Variants in ARID4B observed in about 807,000 individuals in gnomAD.
ARID4B encodes AT-rich interaction domain 4B, also known as AT-rich interactive domain-containing protein 4B.
A neutral mutation model predicts 147.5 loss-of-function variants in ARID4B; 26 were observed. The ratio of observed to expected loss-of-function variants is 0.18; its 90% CI spans 0.13 to 0.24. The LOEUF is 0.24. ARID4B is among the 10% of genes least tolerant of loss of function. ARID4B has a pLI of 1.00. For synonymous variants in ARID4B, 512 were observed against 507.9 expected, an observed-to-expected ratio of 1.01 and a Z score of -0.11; for missense variants, 1,179 against 1,511.5, an observed-to-expected ratio of 0.78 and a Z score of 3.65.
intron 16 of ARID4B, among the ~76,000 whole-genome samples, chr1:235,214,598 A>G (rs1409430617): frequency 7.9e-5 from 12 of 152,168 alleles, no homozygotes; most frequent in Admixed American, 7.9e-4. Flanking sequence ...CAAATGTTAT[A>G]ATAACTGAAA....
At chr1:235,243,179 G>T (rs1558239571) in intron 7 of ARID4B, among the ~76,000 whole-genome samples, 1 of 151,914 alleles carries the variant, frequency 6.6e-6, no homozygotes, top group African/African-American at 2.4e-5. Context: ...AAATAAAAAA[G>T]ATGCATTTAT....
At chr1:235,180,112 T>C (rs1024719904) in intron 20 of ARID4B, 9 of 149,338 alleles carry the variant, frequency 6.0e-5, no homozygotes, top group African/African-American at 2.2e-4. Context: ...TAAAACCTGT[T>C]TTTTTCTTTC....
intron 12 of ARID4B, among the ~76,000 whole-genome samples, chr1:235,224,427 T>G (rs1431152354): frequency 6.6e-6 from 1 of 152,170 alleles, no homozygotes; most frequent in Non-Finnish European, 1.5e-5. Flanking sequence ...GCTACTGTTC[T>G]TTAGGGACCC....
intron 9 of ARID4B, among the ~76,000 whole-genome samples, chr1:235,231,579 C>T (rs181507521): frequency 6.6e-6 from 1 of 152,280 alleles, no homozygotes; most frequent in African/African-American, 2.4e-5. Flanking sequence ...CTCTACCTCC[C>T]AGGCTCAAGC....
chr1:235,237,346 A>C (rs1668673758), intron 8 of ARID4B, among the ~76,000 whole-genome samples: 1 of 152,136 alleles, frequency 6.6e-6, no homozygotes, highest in African/African-American at 2.4e-5. Flanking sequence ...AAATAATAAT[A>C]CCTATCTCAT....
rs1670869115 is a variant in ARID4B, at chr1:235,269,966, T to C, written c.7-9214A>G. On this transcript the variant is annotated intron_variant, in intron 2 of 23. Transcript: ENST00000264183. ...TTGTTTGTCTGTTTTTTTTGCTGGA[T>C]TGTAAGAGTTACTGCATATTTTAAA... Among the ~76,000 whole-genome samples the C allele has an allele frequency of 2.0e-5, 3 of 152,208 alleles. 1 individual carries two copies. The highest frequency in any genetic ancestry group is 6.8e-3 in the Middle Eastern group (2 of 294).
chr1:235,201,385 T>TA (rs956361295), intron 17 of ARID4B, among the ~76,000 whole-genome samples: 7 of 151,906 alleles, frequency 4.6e-5, no homozygotes, highest in Non-Finnish European at 8.8e-5. Context: ...TGGAGTGCGG[T>TA]AGCGCCATCC....
chr1:235,303,156 CT>C (rs1379531073), intron 2 of ARID4B, among the ~76,000 whole-genome samples: 1 of 152,114 alleles, frequency 6.6e-6, no homozygotes, highest in East Asian at 1.9e-4. Context: ...ATCTCCTGAC[CT>C]TGTGATCCGC....
At position 235,240,331 on chromosome 1, in the gene ARID4B, T is replaced by C; in HGVS notation, c.567A>G (p.Ala189=). The change falls in exon 8 of 24, where the codon GCA becomes GCG. Residue 189 remains alanine, a synonymous_variant. Transcript: ENST00000264183. ...VDYISLDKKK[A]LWFPALVVCP... is the part of the protein sequence containing the mutation. ...TACTCACCAATGCAGGAAACCACAG[T>C]GCTTTCTTTTTATCCAAACTAATGT... The C allele has an allele frequency of 6.2e-7, 1 of 1,613,186 alleles. No homozygotes were observed. Among genetic ancestry groups the C allele is most frequent in the Non-Finnish European group, 8.5e-7 (1 of 1,179,514 alleles).
intron 2 of ARID4B, among the ~76,000 whole-genome samples, chr1:235,288,677 C>T (rs1672138412): frequency 6.6e-6 from 1 of 152,224 alleles, no homozygotes; most frequent in Non-Finnish European, 1.5e-5. Context: ...CAGCCACAAA[C>T]ATATTCATGC....
intron 2 of ARID4B, among the ~76,000 whole-genome samples, chr1:235,296,846 G>GGAGGAAGGGAGAGA (rs1553313981): frequency 1.4e-5 from 2 of 139,586 alleles, no homozygotes; most frequent in African/African-American, 2.6e-5. Context: ...AGGGAGGAAG[G>GGAGGAAGGGAGAGA]AGGGAGGGAA....
At chr1:235,268,113 A>G (rs1353830903) in intron 2 of ARID4B, among the ~76,000 whole-genome samples, 2 of 152,124 alleles carry the variant, frequency 1.3e-5, no homozygotes, top group Admixed American at 6.6e-5. Flanking sequence ...CCTGTGGCGG[A>G]GGACATGGAT....
intron 19 of ARID4B, among the ~76,000 whole-genome samples, chr1:235,189,399 C>T (rs1244468599): frequency 1.7e-5 from 1 of 58,910 alleles, no homozygotes; most frequent in African/African-American, 8.1e-5. Context: ...GACTCAGTCT[C>T]AAAAAAAAAA....
At chr1:235,326,840 C>T (rs1396018311) in intron 2 of ARID4B, 74 bp downstream of exon 2, 3 of 1,581,088 alleles carry the variant, frequency 1.9e-6, no homozygotes, top group Non-Finnish European at 1.7e-6. Context: ...AAGCCCCACA[C>T]GACGACCTCG....
chr1:235,187,632 C>T (rs996858275), intron 19 of ARID4B, among the ~76,000 whole-genome samples: 3 of 152,170 alleles, frequency 2.0e-5, no homozygotes, highest in African/African-American at 7.2e-5. Context: ...ATTCCCAACC[C>T]ATCTCAGGAC....
intron 2 of ARID4B, among the ~76,000 whole-genome samples, chr1:235,285,598 G>A (rs909299222): frequency 1.3e-5 from 2 of 152,156 alleles, no homozygotes; most frequent in African/African-American, 4.8e-5. Flanking sequence ...CATTGTTTTG[G>A]AGAGCCAATG....
intron 2 of ARID4B, among the ~76,000 whole-genome samples, chr1:235,284,987 T>C (rs1285864996): frequency 6.6e-6 from 1 of 152,064 alleles, no homozygotes; most frequent in African/African-American, 2.4e-5. Flanking sequence ...CACTGCAACC[T>C]CCAACTCCTG....
At chr1:235,179,485 T>C (rs563692989) in intron 20 of ARID4B, among the ~76,000 whole-genome samples, 246 of 122,404 alleles carry the variant, frequency 2.0e-3, no homozygotes, top group Non-Finnish European at 3.4e-3. Context: ...ATTGCACCAC[T>C]GCACTCCAGC....
rs540048942 is a variant in ARID4B, at chr1:235,233,036, C to A, written c.665+1377G>T. Among the ~76,000 whole-genome samples the A allele has an allele frequency of 5.3e-5, 8 of 152,232 alleles. No individual in the cohort carries two copies. The East Asian group carries it at 1.4e-3, about 26-fold the overall frequency. ...TATTTTTAGTAGAGACGGAGTTTTG[C>A]CATGTTAGCCAGGCTGGTCTTGCAC... is the stretch of plus-strand genomic sequence containing the variant. On this transcript the variant is annotated intron_variant, in intron 9 of 23. Transcript: ENST00000264183.
Sources: gnomAD v4.1 joint callset for allele counts (sites outside exome capture counted in the v4.1 genomes callset) on GRCh38, gnomAD v4.1.1 for gene constraint, MANE v1.5 for transcripts, NCBI Gene and HGNC (gene_info 2026-07-23, HGNC 2026-07-21) for gene names.